Variants in EYS observed in about 807,000 individuals in gnomAD.
The protein encoded by EYS is protein eyes shut homolog.
Under a neutral mutation model 282.1 loss-of-function variants are expected in EYS, and 250 were observed. The ratio of observed to expected loss-of-function variants is 0.89; its 90% CI spans 0.80 to 0.98. The LOEUF (loss-of-function observed/expected upper bound fraction) is 0.98. Ranked by LOEUF, EYS falls within the 50% of genes least tolerant of loss-of-function variation. The pLI is 0.00. For synonymous variants in EYS, 1,355 were observed against 1,282.9 expected (o/e 1.06, Z -1.20); for missense variants, 4,016 against 3,709.0 (o/e 1.08, Z -2.15).
At chr6:65,264,403 T>C (rs1004367664) in intron 12 of EYS, among the ~76,000 whole-genome samples, 1 of 152,134 alleles carries the variant, frequency 6.6e-6, no homozygotes, top group Admixed American at 6.6e-5. Context: ...AGAATGAGAC[T>C]GGATTTTTAA....
At chr6:65,149,446 A>G (rs1247771413) in intron 12 of EYS, among the ~76,000 whole-genome samples, 1 of 152,120 alleles carries the variant, frequency 6.6e-6, no homozygotes, top group Non-Finnish European at 1.5e-5. Context: ...CCAAATCACT[A>G]TTAGCATTTT....
At chr6:63,944,388 A>C (rs1582007938) in intron 35 of EYS, among the ~76,000 whole-genome samples, 1 of 152,352 alleles carries the variant, frequency 6.6e-6, no homozygotes, top group South Asian at 2.1e-4. Flanking sequence ...AAAGTGTACG[A>C]CATGCTTTAG....
At chr6:64,648,184 C>A (rs1023455572) in intron 22 of EYS, among the ~76,000 whole-genome samples, 1 of 152,110 alleles carries the variant, frequency 6.6e-6, no homozygotes, top group Non-Finnish European at 1.5e-5. Context: ...GGTATTTGGA[C>A]TGAAAAGACT....
intron 35 of EYS, among the ~76,000 whole-genome samples, chr6:63,928,417 G>T (rs1386958677): frequency 6.6e-6 from 1 of 152,144 alleles, no homozygotes; most frequent in East Asian, 1.9e-4. Context: ...TGTCTAAAGT[G>T]CTTATGACAT....
intron 12 of EYS, among the ~76,000 whole-genome samples, chr6:65,222,387 T>C (rs562269485): frequency 1.3e-4 from 20 of 152,258 alleles, no homozygotes; most frequent in Middle Eastern, 3.4e-3. Flanking sequence ...TGAGAACTGA[T>C]GGTTTTATAA....
At chr6:64,416,452 C>G (rs938269355) in intron 28 of EYS, among the ~76,000 whole-genome samples, 5 of 151,582 alleles carry the variant, frequency 3.3e-5, no homozygotes, top group African/African-American at 1.2e-4. Context: ...TAAAATTATT[C>G]CATATTTTAG....
chr6:65,211,643 A>G (rs1766178802), intron 12 of EYS, among the ~76,000 whole-genome samples: 1 of 152,110 alleles, frequency 6.6e-6, no homozygotes, highest in African/African-American at 2.4e-5. Context: ...AGAAATTTCC[A>G]GAAATCAGAG....
rs73764886 is a variant in EYS, at chr6:64,610,498, G to A, written c.3684+6920C>T. 4.0e-3 allele frequency among the ~76,000 whole-genome samples: 591 copies of A among 148,298 alleles called. 6 individuals carry two copies. Among genetic ancestry groups the A allele is most frequent in the African/African-American group, 0.014 (562 of 40,238 alleles). ...GGCTCACTGCCAGCTCCAAATCCCC[G>A]GTTCAAGCGATCCTTGTGCATTGGC... On this transcript the variant is annotated intron_variant, in intron 24 of 42. Transcript: ENST00000503581.
chr6:64,620,576 T>G (rs959409392), intron 23 of EYS, among the ~76,000 whole-genome samples: 1 of 152,158 alleles, frequency 6.6e-6, no homozygotes, highest in Non-Finnish European at 1.5e-5. Flanking sequence ...GGATACTGAG[T>G]GTCAATCATA....
chr6:65,265,646 T>C (rs1767733907), intron 12 of EYS, among the ~76,000 whole-genome samples: 1 of 152,030 alleles, frequency 6.6e-6, no homozygotes, highest in Admixed American at 6.6e-5. Context: ...TTAGGTGGAA[T>C]AAATGAAGAT....
At chr6:64,434,396 T>G (rs1774671824) in intron 28 of EYS, among the ~76,000 whole-genome samples, 1 of 152,082 alleles carries the variant, frequency 6.6e-6, no homozygotes, top group African/African-American at 2.4e-5. Flanking sequence ...TTACGATGAT[T>G]AGATGTAGTT....
intron 12 of EYS, among the ~76,000 whole-genome samples, chr6:65,155,355 C>T (rs930667136): frequency 1.3e-5 from 2 of 151,408 alleles, no homozygotes; most frequent in African/African-American, 4.8e-5. Context: ...AGAGCTTTGC[C>T]ACCCAACATG....
At chr6:64,435,079 T>C (rs1774695120) in intron 28 of EYS, among the ~76,000 whole-genome samples, 1 of 152,186 alleles carries the variant, frequency 6.6e-6, no homozygotes, top group East Asian at 1.9e-4. Context: ...GCCCCCAGCA[T>C]TTGTTATTTA....
intron 22 of EYS, among the ~76,000 whole-genome samples, chr6:64,644,533 A>G (rs1231989056): frequency 6.6e-6 from 1 of 152,222 alleles, no homozygotes; most frequent in Non-Finnish European, 1.5e-5. Context: ...CTCTGGAGAT[A>G]TAAACTATAT....
chr6:64,971,551 T>C (rs1770294223), intron 14 of EYS, among the ~76,000 whole-genome samples: 1 of 152,156 alleles, frequency 6.6e-6, no homozygotes, highest in African/African-American at 2.4e-5. Context: ...CTTGGTTCCA[T>C]TGATGCTTTG....
At chr6:64,129,176 C>T (rs1281790743) in intron 31 of EYS, among the ~76,000 whole-genome samples, 3 of 152,136 alleles carry the variant, frequency 2.0e-5, no homozygotes, top group Non-Finnish European at 4.4e-5. Flanking sequence ...GCATCTGTTC[C>T]TTTATAGAAA....
At chr6:65,418,939 ATTTTCATGTT>A (rs1767349867) in intron 5 of EYS, among the ~76,000 whole-genome samples, 2 of 151,830 alleles carry the variant, frequency 1.3e-5, no homozygotes, top group African/African-American at 4.8e-5. Flanking sequence ...ATCTAATTTT[ATTTTCATGTT>A]TCATCAAAGC....
chr6:64,387,187 A>G (rs1420625181), intron 29 of EYS, among the ~76,000 whole-genome samples: 1 of 152,138 alleles, frequency 6.6e-6, no homozygotes, highest in African/African-American at 2.4e-5. Context: ...TGTATATGTA[A>G]TATTGTCTCT....
chr6:64,135,921 C>T (rs1271963845), intron 31 of EYS, among the ~76,000 whole-genome samples: 2 of 151,948 alleles, frequency 1.3e-5, no homozygotes, highest in African/African-American at 4.8e-5. Context: ...TAAAATGAGA[C>T]GTCAATAAAG....
Sources: gnomAD v4.1 joint callset for allele counts (sites outside exome capture counted in the v4.1 genomes callset) on GRCh38, gnomAD v4.1.1 for gene constraint, MANE v1.5 for transcripts, NCBI Gene and HGNC (gene_info 2026-07-23, HGNC 2026-07-21) for gene names.